OR9Q1: variants seen among roughly 807,000 people sequenced by gnomAD.
OR9Q1 encodes the protein olfactory receptor 9Q1.
For synonymous variants in OR9Q1, 153 were observed against 148.6 expected (o/e 1.03, Z -0.22); for missense variants, 374 against 378.8 (o/e 0.99, Z 0.11).
intron 1 of OR9Q1, among the ~76,000 whole-genome samples, chr11:58,036,021 A>G (rs1169711964): frequency 1.3e-5 from 2 of 150,904 alleles, no homozygotes; most frequent in Non-Finnish European, 2.9e-5. Context: ...TTTCAATAGC[A>G]TGTGCTCACT....
At chr11:58,130,929 G>A (rs1162054678) in intron 2 of OR9Q1, among the ~76,000 whole-genome samples, 3 of 151,914 alleles carry the variant, frequency 2.0e-5, no homozygotes, top group South Asian at 4.2e-4. Context: ...GTCTATAAAG[G>A]ATGTAATTAT....
rs1265533067 is a variant in OR9Q1 at position 58,180,965 on chromosome 11, A to C, written c.*588A>C. ...AGGATTCAATATTTAGATTACATTT[A>C]TTTTTAATGATCAAACTATGGTCGT... On this transcript the variant is annotated 3_prime_UTR_variant, in exon 3 of 3. Coordinates refer to ENST00000335397, the MANE Select transcript of OR9Q1 (RefSeq NM_001005212.4). The C allele has an allele frequency of 1.8e-5, 3 of 167,008 alleles. No individual in the cohort carries two copies. Among genetic ancestry groups the C allele is most frequent in the Non-Finnish European group, 4.4e-5 (3 of 68,124 alleles). The allele number at this position is 167,008 out of a possible 1,614,324, so 10.3% of individuals were successfully genotyped here.
At chr11:58,034,789 T>C (rs117934820) in intron 1 of OR9Q1, among the ~76,000 whole-genome samples, 23 of 11,142 alleles carry the variant, frequency 2.1e-3, no homozygotes, top group South Asian at 6.4e-3. Flanking sequence ...CTCCCTCCTT[T>C]CTCCCTTCCT....
intron 2 of OR9Q1, among the ~76,000 whole-genome samples, chr11:58,120,357 C>A (rs1306421118): frequency 6.6e-6 from 1 of 151,894 alleles, no homozygotes; most frequent in Admixed American, 6.6e-5. Flanking sequence ...AACATATTCA[C>A]CTATTTGTAA....
chr11:58,036,927 T>C (rs960084028), intron 1 of OR9Q1, among the ~76,000 whole-genome samples: 4 of 152,234 alleles, frequency 2.6e-5, no homozygotes, highest in Non-Finnish European at 5.9e-5. Context: ...TAAACTTAGT[T>C]GATAAAACAC....
rs59902083 is a variant in OR9Q1, at chr11:58,129,236, CGTGTGTGT to C, written c.-14-50164_-14-50157del. 3.0e-3 allele frequency among the ~76,000 whole-genome samples: 441 copies of C among 144,824 alleles called. 2 individuals are homozygous for C. Among genetic ancestry groups the C allele is most frequent in the Middle Eastern group, 0.014 (4 of 288 alleles). ...CCACAAAGGGCCAGGCAGAGCAATT[CGTGTGTGT>C]GTGTGTGTGTGTGTGTGTGTGTGTG... On this transcript the variant is annotated intron_variant, in intron 2 of 2. Transcript: ENST00000335397.
intron 2 of OR9Q1, among the ~76,000 whole-genome samples, chr11:58,158,215 C>G (rs529735662): frequency 2.2e-4 from 33 of 152,240 alleles, no homozygotes; most frequent in Admixed American, 1.7e-3. Flanking sequence ...TATGGTGCCT[C>G]AACATGGCCA....
chr11:58,068,074 C>T (rs1853446916), intron 2 of OR9Q1, among the ~76,000 whole-genome samples: 1 of 152,048 alleles, frequency 6.6e-6, no homozygotes, highest in African/African-American at 2.4e-5. Flanking sequence ...CATGGTGGCT[C>T]ACGCCTGTAA....
intron 2 of OR9Q1, among the ~76,000 whole-genome samples, chr11:58,143,123 A>G (rs1253418576): frequency 6.6e-6 from 1 of 152,218 alleles, no homozygotes; most frequent in Non-Finnish European, 1.5e-5. Context: ...TGGACTTAAG[A>G]TTCCACAATG....
intron 2 of OR9Q1, among the ~76,000 whole-genome samples, chr11:58,112,215 C>A (rs569809038): frequency 3.3e-5 from 5 of 152,008 alleles, no homozygotes; most frequent in Non-Finnish European, 7.4e-5. Context: ...ATTTCTTGAA[C>A]CCGGGAGGTG....
chr11:58,053,861 C>G (rs1202655236), intron 1 of OR9Q1, among the ~76,000 whole-genome samples: 3 of 151,794 alleles, frequency 2.0e-5, no homozygotes, highest in Non-Finnish European at 4.4e-5. Context: ...TCTCCTTCAT[C>G]CTCCATCCCC....
At chr11:58,053,632 A>ATATATATATATAATTTATATATATAT (rs1554965506) in intron 1 of OR9Q1, among the ~76,000 whole-genome samples, 1 of 118,684 alleles carries the variant, frequency 8.4e-6, no homozygotes, top group African/African-American at 3.1e-5. Flanking sequence ...TATATAAAAT[A>ATATATATATATAATTTATATATATAT]TATATATATA....
At chr11:58,101,351 C>G (rs1382212093) in intron 2 of OR9Q1, among the ~76,000 whole-genome samples, 2 of 152,188 alleles carry the variant, frequency 1.3e-5, no homozygotes, top group East Asian at 3.9e-4. Flanking sequence ...AAGGTGGTAT[C>G]TCATTGTGGT....
chr11:58,095,765 T>G (rs1853724966), intron 2 of OR9Q1, among the ~76,000 whole-genome samples: 1 of 152,086 alleles, frequency 6.6e-6, no homozygotes, highest in South Asian at 2.1e-4. Flanking sequence ...CAAAATGAGA[T>G]TTGAATGGGG....
At chr11:58,102,145 A>G (rs1316106949) in intron 2 of OR9Q1, among the ~76,000 whole-genome samples, 1 of 152,134 alleles carries the variant, frequency 6.6e-6, no homozygotes, top group African/African-American at 2.4e-5. Context: ...GCTAGTGTAT[A>G]CTTTTTAATT....
At chr11:58,039,467 C>T (rs55653906) in intron 1 of OR9Q1, among the ~76,000 whole-genome samples, 4,026 of 152,280 alleles carry the variant, frequency 0.026, 74 homozygotes, top group East Asian at 0.061. Flanking sequence ...TTTTGTGTAA[C>T]GAGAGTAAAG....
intron 2 of OR9Q1, among the ~76,000 whole-genome samples, chr11:58,179,012 A>AGAGAG (rs1854633335): frequency 3.0e-5 from 4 of 132,454 alleles, no homozygotes; most frequent in African/African-American, 1.1e-4. Context: ...GAAAGAAAGA[A>AGAGAG]AGAGAGAGAG....
chr11:58,065,150 A>C (rs1381339534), intron 2 of OR9Q1, among the ~76,000 whole-genome samples: 4 of 152,200 alleles, frequency 2.6e-5, no homozygotes, highest in African/African-American at 4.8e-5. Context: ...GTAAACAGGA[A>C]GACACATGGA....
intron 2 of OR9Q1, among the ~76,000 whole-genome samples, chr11:58,132,690 G>A (rs1222322699): frequency 6.6e-6 from 1 of 152,180 alleles, no homozygotes; most frequent in South Asian, 2.1e-4. Context: ...GAACACAGAG[G>A]TATCTCCCTC....
Sources: allele counts gnomAD v4.1 joint callset (sites outside exome capture counted in the v4.1 genomes callset), GRCh38; gene constraint gnomAD v4.1.1; transcripts MANE v1.5; gene names NCBI Gene and HGNC (gene_info 2026-07-23, HGNC 2026-07-21).